Variants in UCMA observed in about 807,000 individuals in gnomAD.
The protein encoded by UCMA is upper zone of growth plate and cartilage matrix-associated protein.
UCMA carries 21 observed loss-of-function variants against 21.8 expected under a neutral mutation model. That is an observed-to-expected ratio of 0.97 (90% CI 0.68 to 1.39). The LOEUF is 1.39. UCMA is among the 40% of genes most tolerant of loss of function. UCMA has a pLI of 0.00. For synonymous variants in UCMA, 76 were observed against 67.9 expected, an observed-to-expected ratio of 1.12 and a Z score of -0.58; for missense variants, 193 against 178.9, an observed-to-expected ratio of 1.08 and a Z score of -0.45.
chr10:13,232,601 T>A (rs7908276), intron 3 of UCMA, among the ~76,000 whole-genome samples: 11,312 of 152,060 alleles, frequency 0.074, 623 homozygotes, highest in Admixed American at 0.16. Context: ...CAATTTTTTT[T>A]AAAAAAAGAA....
At chr10:13,222,317 A>G in intron 4 of UCMA, 117 bp from the exon 5 acceptor site, 2 of 866,752 alleles carry the variant, frequency 2.3e-6, no homozygotes, top group South Asian at 3.2e-5. Context: ...AGTGTTTGTG[A>G]GCCCTGGTGA....
chr10:13,222,241 C>T (rs982155107), intron 4 of UCMA, 41 bp from the exon 5 acceptor site: 8 of 1,581,206 alleles, frequency 5.1e-6, no homozygotes, highest in Non-Finnish European at 6.9e-6. Context: ...GACAGGGGGA[C>T]TCTGACCTGC....
chr10:13,223,397 T>G (rs1834783538), intron 4 of UCMA, among the ~76,000 whole-genome samples: 1 of 152,132 alleles, frequency 6.6e-6, no homozygotes, highest in Non-Finnish European at 1.5e-5. Flanking sequence ...AAACAAAATG[T>G]GGTGTGTATG....
intron 4 of UCMA, among the ~76,000 whole-genome samples, chr10:13,223,013 T>G (rs547344408): frequency 6.6e-6 from 1 of 151,522 alleles, no homozygotes; most frequent in African/African-American, 2.4e-5. Context: ...TCACCCAAAG[T>G]CAGGAATTCT....
intron 4 of UCMA, among the ~76,000 whole-genome samples, chr10:13,227,642 C>G (rs1834839058): frequency 6.9e-6 from 1 of 144,184 alleles, no homozygotes; most frequent in Non-Finnish European, 1.5e-5. Context: ...CACTTGAACT[C>G]GGAGCGGGAG....
At chr10:13,222,771 G>A (rs910743440) in intron 4 of UCMA, among the ~76,000 whole-genome samples, 1 of 151,746 alleles carries the variant, frequency 6.6e-6, no homozygotes, top group South Asian at 2.1e-4. Flanking sequence ...ACTCACCGCG[G>A]CTTCAACCTC....
chr10:13,223,948 C>G (rs1467820317), intron 4 of UCMA, among the ~76,000 whole-genome samples: 1 of 151,820 alleles, frequency 6.6e-6, no homozygotes, highest in East Asian at 1.9e-4. Context: ...AATGCAGTTT[C>G]TGTATGAGGC....
chr10:13,227,972 AAG>A (rs1385050103), intron 4 of UCMA, among the ~76,000 whole-genome samples: 3 of 151,930 alleles, frequency 2.0e-5, no homozygotes, highest in Middle Eastern at 3.4e-3. Context: ...AGCACTTTCT[AAG>A]AGCAGACAGG....
At chr10:13,222,281 C>T in intron 4 of UCMA, 81 bp from the exon 5 acceptor site, 5 of 1,312,032 alleles carry the variant, frequency 3.8e-6, no homozygotes, top group Non-Finnish European at 4.3e-6. Context: ...CAGCCGAACC[C>T]CTGCCCTGTG....
At chr10:13,227,187 T>G (rs1834833327) in intron 4 of UCMA, among the ~76,000 whole-genome samples, 2 of 152,198 alleles carry the variant, frequency 1.3e-5, no homozygotes, top group African/African-American at 4.8e-5. Flanking sequence ...TGCAGGGCAA[T>G]GGGCATAGCC....
chr10:13,229,115 T>C (rs1446080639), intron 4 of UCMA, among the ~76,000 whole-genome samples: 2 of 151,968 alleles, frequency 1.3e-5, no homozygotes, highest in African/African-American at 2.4e-5. Context: ...TTTGTATTTT[T>C]AGTAGAGATG....
At chr10:13,228,924 CTTTTT>C (rs1343503591) in intron 4 of UCMA, among the ~76,000 whole-genome samples, 1 of 132,772 alleles carries the variant, frequency 7.5e-6, no homozygotes, top group Non-Finnish European at 1.6e-5. Flanking sequence ...TTTCTCCCTT[CTTTTT>C]ATTTTATTTT....
At chr10:13,225,314 A>G (rs990861990) in intron 4 of UCMA, among the ~76,000 whole-genome samples, 3 of 140,532 alleles carry the variant, frequency 2.1e-5, no homozygotes, top group Non-Finnish European at 4.5e-5. Context: ...CCCAGTGGGC[A>G]TTCCTTTTAT....
intron 4 of UCMA, among the ~76,000 whole-genome samples, chr10:13,227,355 G>A (rs773251409): frequency 6.6e-6 from 1 of 152,190 alleles, no homozygotes; most frequent in African/African-American, 2.4e-5. Context: ...CCAAGTTCAC[G>A]TGCACCCAGG....
At chr10:13,225,331 A>G (rs79302381) in intron 4 of UCMA, among the ~76,000 whole-genome samples, 1 of 144,276 alleles carries the variant, frequency 6.9e-6, no homozygotes, top group East Asian at 2.2e-4. Context: ...TTATGAAGTA[A>G]GTACTTTGGG....
chr10:13,233,554 G>A lies in UCMA; in HGVS notation c.204C>T (p.Ser68=), dbSNP rs1275204383. ...CATCCTTACCATTGACCTCATCTCT[G>A]GACTTGGGGGACCGCTTGCCGCGCC... ...LKRRGKRSPK[S]RDEVNVENRQ... The change falls in exon 3 of 5, where the codon TCC becomes TCT. Residue 68 remains serine (S), a synonymous_variant. Coordinates refer to ENST00000378681, the MANE Select transcript of UCMA (RefSeq NM_145314.3). 7 of 1,614,004 alleles carry A rather than the reference G, an allele frequency of 4.3e-6. No individual in the cohort carries two copies. The highest frequency in any genetic ancestry group is 5.9e-6 in the Non-Finnish European group (7 of 1,179,994).
chr10:13,224,496 A>G (rs1834799603), intron 4 of UCMA, among the ~76,000 whole-genome samples: 1 of 152,214 alleles, frequency 6.6e-6, no homozygotes, highest in Admixed American at 6.5e-5. Context: ...TTTAAGATGC[A>G]TTTGTCAAAG....
intron 4 of UCMA, among the ~76,000 whole-genome samples, chr10:13,227,001 A>G (rs188565704): frequency 2.0e-3 from 311 of 152,274 alleles, no homozygotes; most frequent in African/African-American, 7.3e-3. Context: ...TGAAGGCCAC[A>G]TTCTCAACTT....
Position 13,221,883 on chromosome 10 carries a change from A to G in UCMA, c.*220T>C. 1 of 567,230 alleles carries G rather than the reference A, an allele frequency of 1.8e-6. No homozygotes were observed. Among genetic ancestry groups the G allele is most frequent in the Non-Finnish European group, 3.1e-6 (1 of 318,226 alleles). 35.1% of individuals were successfully genotyped at this position (567,230 alleles called of 1,614,324 possible). Reference sequence around the variant, plus strand: ...TAGGTTTGGTACTAGGAGGCCCTGCAGGCAGTTGCTCACCTCAGAAGATGG... The same window carrying G: ...TAGGTTTGGTACTAGGAGGCCCTGCGGGCAGTTGCTCACCTCAGAAGATGG... On this transcript the variant is annotated 3_prime_UTR_variant, in exon 5 of 5. Transcript: ENST00000378681.
Sources: allele counts gnomAD v4.1 joint callset (sites outside exome capture counted in the v4.1 genomes callset), GRCh38; gene constraint gnomAD v4.1.1; transcripts MANE v1.5; gene names NCBI Gene and HGNC (gene_info 2026-07-23, HGNC 2026-07-21).